The following FGD3 variants were observed in gnomAD, a reference collection of about 807,000 sequenced individuals.
FGD3 encodes the protein FYVE, RhoGEF and PH domain-containing protein 3.
Under a neutral mutation model 71.8 loss-of-function variants are expected in FGD3, and 45 were observed. The observed-to-expected ratio is 0.63, with a 90% confidence interval of 0.49 to 0.80. FGD3 has a LOEUF of 0.80. FGD3 is among the 30% of genes least tolerant of loss of function. The pLI, the probability that FGD3 is intolerant of heterozygous loss-of-function variation, is 0.00. For synonymous variants in FGD3, 378 were observed against 392.8 expected (o/e 0.96, Z 0.44); for missense variants, 844 against 951.5 (o/e 0.89, Z 1.49).
At chr9:93,034,726 G>A (rs758639209) in intron 17 of FGD3, 45 bp downstream of exon 17, 3 of 1,587,770 alleles carry the variant, frequency 1.9e-6, no homozygotes, top group Admixed American at 1.8e-5. Context: ...GCAGCCCAGA[G>A]CCTCAGGCCT....
chr9:93,006,587 T>C (rs1161237168), intron 6 of FGD3, among the ~76,000 whole-genome samples: 1 of 152,218 alleles, frequency 6.6e-6, no homozygotes, highest in African/African-American at 2.4e-5. Context: ...AAGAGCCTCC[T>C]CACAGCCCTG....
At chr9:92,980,446 T>C (rs2118594649) in intron 3 of FGD3, among the ~76,000 whole-genome samples, 1 of 152,334 alleles carries the variant, frequency 6.6e-6, no homozygotes, top group Admixed American at 6.5e-5. Context: ...CTAATGTATA[T>C]AGATATCTCT....
At chr9:92,966,608 C>T (rs982897749) in intron 1 of FGD3, among the ~76,000 whole-genome samples, 3 of 152,228 alleles carry the variant, frequency 2.0e-5, no homozygotes, top group African/African-American at 4.8e-5. Flanking sequence ...GGGCCCACCC[C>T]ACCTGGGAGT....
At chr9:92,955,552 T>G (rs1366131188) in intron 1 of FGD3, among the ~76,000 whole-genome samples, 1 of 152,194 alleles carries the variant, frequency 6.6e-6, no homozygotes, top group East Asian at 1.9e-4. Flanking sequence ...TTGAAATGAC[T>G]GTATAGACAC....
intron 11 of FGD3, among the ~76,000 whole-genome samples, 163 bp from the exon 12 acceptor site, chr9:93,019,668 C>CAGTGTTTTGAGTGTTTTG (rs1861837745): frequency 6.6e-6 from 1 of 152,208 alleles, no homozygotes; most frequent in African/African-American, 2.4e-5. Context: ...CTGGCCCCAC[C>CAGTGTTTTGAGTGTTTTG]AGGCCACGAG....
At chr9:92,961,630 A>G (rs1201222656) in intron 1 of FGD3, among the ~76,000 whole-genome samples, 1 of 152,172 alleles carries the variant, frequency 6.6e-6, no homozygotes, top group Non-Finnish European at 1.5e-5. Context: ...TTTAGTTTTG[A>G]TGGGTCAGTA....
chr9:92,968,069 G>T (rs919623889), intron 1 of FGD3, among the ~76,000 whole-genome samples: 1 of 152,116 alleles, frequency 6.6e-6, no homozygotes, highest in Non-Finnish European at 1.5e-5. Context: ...TTGACTAGAT[G>T]GACTCACATG....
At position 93,011,416 on chromosome 9, in the gene FGD3, A is replaced by G. The variant is rs1202366814; in HGVS notation, c.1035+144A>G. On this transcript the variant is annotated intron_variant, in intron 8 of 17. Transcript: ENST00000375482. ...TATACCTCCTTCCACCCCCATCCCCAGGGGGGTCAGCTGGACAGCCCCGCC... is the reference window on the plus strand; with the variant it reads ...TATACCTCCTTCCACCCCCATCCCCGGGGGGGTCAGCTGGACAGCCCCGCC... 19 of 969,446 alleles carry G rather than the reference A, an allele frequency of 2.0e-5. No homozygotes were observed. The East Asian group carries it at 4.7e-4, about 24-fold the overall frequency. The allele number at this position is 969,446 out of a possible 1,614,324, so 60.1% of individuals were successfully genotyped here.
At chr9:93,011,862 A>G (rs1320315519) in intron 8 of FGD3, among the ~76,000 whole-genome samples, 1 of 145,464 alleles carries the variant, frequency 6.9e-6, no homozygotes, top group Non-Finnish European at 1.5e-5. Flanking sequence ...TCTCAAAAAA[A>G]AAAGAATCAC....
chr9:93,011,662 C>T (rs1292649350), intron 8 of FGD3, among the ~76,000 whole-genome samples: 1 of 151,522 alleles, frequency 6.6e-6, no homozygotes, highest in East Asian at 1.9e-4. Context: ...TGGAGACCAG[C>T]CTGGCCAATA....
At position 92,957,677 on chromosome 9, in the gene FGD3, CTTTTTTTTTTT is replaced by C. The variant is rs60726578; in HGVS notation, c.-218+9957_-218+9967del. Among the ~76,000 whole-genome samples, 4 of 102,224 alleles carry C rather than the reference CTTTTTTTTTTT, an allele frequency of 3.9e-5. No individual in the cohort carries two copies. The East Asian group carries it at 8.0e-4, about 21-fold the overall frequency. The allele number at this position is 102,224 out of a possible 152,430, so 67.1% of individuals were successfully genotyped here. On this transcript the variant is annotated intron_variant, in intron 1 of 17. Transcript: ENST00000375482. ...TGATTTGTCTTTGAAATTTTCTTTT[CTTTTTTTTTTT>C]TTTTTTTTGAGACAGAGTCTCGCTC...
At chr9:93,011,415 CA>C (rs1861371015) in intron 8 of FGD3, 143 bp downstream of exon 8, 2 of 959,526 alleles carry the variant, frequency 2.1e-6, no homozygotes, top group South Asian at 1.4e-5. Flanking sequence ...CCCCCATCCC[CA>C]GGGGGGTCAG....
At chr9:92,981,461 G>T (rs1172855864) in intron 3 of FGD3, among the ~76,000 whole-genome samples, 1 of 151,856 alleles carries the variant, frequency 6.6e-6, no homozygotes, top group African/African-American at 2.4e-5. Context: ...CCTAATATAT[G>T]GTCTATCCTG....
intron 8 of FGD3, among the ~76,000 whole-genome samples, chr9:93,012,769 T>C (rs192607581): frequency 6.6e-6 from 1 of 151,888 alleles, no homozygotes; most frequent in African/African-American, 2.4e-5. Context: ...CAATGCTCAG[T>C]GTTATTGTCA....
At chr9:92,966,324 G>A (rs1235829645) in intron 1 of FGD3, among the ~76,000 whole-genome samples, 1 of 152,202 alleles carries the variant, frequency 6.6e-6, no homozygotes, top group African/African-American at 2.4e-5. Flanking sequence ...ACACGAACCT[G>A]TGCCCGTGGT....
chr9:93,027,312 G>C (rs1862151020), intron 14 of FGD3, among the ~76,000 whole-genome samples: 1 of 152,186 alleles, frequency 6.6e-6, no homozygotes, highest in Non-Finnish European at 1.5e-5. Context: ...AGTTTGTTGG[G>C]GCTGCCAGAA....
At chr9:93,017,714 T>A (rs956712993) in intron 10 of FGD3, among the ~76,000 whole-genome samples, 2 of 152,202 alleles carry the variant, frequency 1.3e-5, no homozygotes, top group African/African-American at 4.8e-5. Context: ...GCTAAGGCCA[T>A]CCTTGCTCTT....
rs751943259 is a variant in FGD3 at position 93,035,472 on chromosome 9, C to T, written c.2061C>T (p.Ser687=). Residue 687 remains serine, a synonymous_variant, in exon 18 of 18, where the codon TCC becomes TCT. Coordinates refer to ENST00000375482, the MANE Select transcript of FGD3 (RefSeq NM_001083536.2). ...AKQSWYLSAS[S]AELQQQWLET... is the part of the protein sequence containing the mutation. ...AGTCCTGGTACCTGAGCGCCTCCTCCGCAGAGCTGCAGCAGCAGTGGCTGG... is the reference window on the plus strand; with the variant it reads ...AGTCCTGGTACCTGAGCGCCTCCTCTGCAGAGCTGCAGCAGCAGTGGCTGG... 27 of 1,613,436 alleles carry T rather than the reference C, an allele frequency of 1.7e-5. No homozygotes were observed. The highest frequency in any genetic ancestry group is 6.7e-5 in the East Asian group (3 of 44,888).
chr9:93,009,512 C>T lies in FGD3; in HGVS notation c.838-734C>T, dbSNP rs141935839. Among the ~76,000 whole-genome samples, 66 of 152,298 alleles carry T rather than the reference C, an allele frequency of 4.3e-4. 1 individual carries two copies. In the East Asian group the frequency reaches 0.011, roughly 26 times the overall value. ...GACAGGACGACAAAGTCAGCAGGCC[C>T]TCACAGGCTGCCCAGTGGGCATCAT... On this transcript the variant is annotated intron_variant, in intron 6 of 17. Transcript: ENST00000375482.
Sources: gnomAD v4.1 joint callset for allele counts (sites outside exome capture counted in the v4.1 genomes callset) on GRCh38, gnomAD v4.1.1 for gene constraint, MANE v1.5 for transcripts, NCBI Gene and HGNC (gene_info 2026-07-23, HGNC 2026-07-21) for gene names.